VPS36: variants seen among roughly 807,000 people sequenced by gnomAD.
VPS36 encodes the protein vacuolar protein sorting 36 homolog.
VPS36 carries 31 observed loss-of-function variants against 63.5 expected under a neutral mutation model. The ratio of observed to expected loss-of-function variants is 0.49; its 90% CI spans 0.37 to 0.66. The LOEUF (loss-of-function observed/expected upper bound fraction) is 0.66. VPS36 is among the 30% of genes least tolerant of loss of function. VPS36 has a pLI of 0.00. For synonymous variants in VPS36, 138 were observed against 157.2 expected (o/e 0.88, Z 0.91); for missense variants, 338 against 463.7 (o/e 0.73, Z 2.49).
At chr13:52,448,035 G>T (rs1266147552) in intron 1 of VPS36, among the ~76,000 whole-genome samples, 1 of 152,114 alleles carries the variant, frequency 6.6e-6, no homozygotes, top group Non-Finnish European at 1.5e-5. Context: ...TTGGCTCATA[G>T]TACTTTAATT....
chr13:52,433,141 C>T (rs1348501591), intron 6 of VPS36, among the ~76,000 whole-genome samples: 2 of 152,154 alleles, frequency 1.3e-5, no homozygotes, highest in African/African-American at 4.8e-5. Context: ...CTTGAATTTC[C>T]TCATATATCA....
At chr13:52,431,328 C>T (rs1230680912) in intron 6 of VPS36, among the ~76,000 whole-genome samples, 2 of 152,146 alleles carry the variant, frequency 1.3e-5, no homozygotes, top group Non-Finnish European at 2.9e-5. Context: ...AAGATAAGTA[C>T]GCTCTTGTTA....
chr13:52,432,363 A>AAAAC (rs1461481018), intron 6 of VPS36, among the ~76,000 whole-genome samples: 1 of 151,886 alleles, frequency 6.6e-6, no homozygotes, highest in African/African-American at 2.4e-5. Flanking sequence ...AAAACAAAAC[A>AAAAC]AAACAAAACA....
chr13:52,414,547 G>A lies in VPS36; in HGVS notation c.*1283C>T, dbSNP rs887372539. The A allele has an allele frequency of 2.6e-5, 4 of 152,204 alleles. No homozygotes were observed. The highest frequency in any genetic ancestry group is 7.2e-5 in the African/African-American group (3 of 41,426). 9.4% of individuals were successfully genotyped at this position (152,204 alleles called of 1,614,324 possible). A position where few individuals can be genotyped will look rare whatever the true frequency, so the allele number is the denominator to read the frequency against. ...TGAGGGTCCCTGGCACTTCCCAGAG[G>A]GCACTGCAGCAGCCTCTGGCAGTGG... is the stretch of plus-strand genomic sequence containing the variant. On this transcript the variant is annotated 3_prime_UTR_variant, in exon 14 of 14. Coordinates refer to ENST00000378060, the MANE Select transcript of VPS36 (RefSeq NM_016075.4).
At chr13:52,435,031 G>A (rs1453532733) in intron 4 of VPS36, 149 bp from the exon 5 acceptor site, 3 of 696,708 alleles carry the variant, frequency 4.3e-6, no homozygotes, top group Non-Finnish European at 6.7e-6. Flanking sequence ...GAGTGCAATG[G>A]CGTGATCTAG....
At chr13:52,446,220 C>G (rs1350501059) in intron 1 of VPS36, among the ~76,000 whole-genome samples, 1 of 150,154 alleles carries the variant, frequency 6.7e-6, no homozygotes, top group Non-Finnish European at 1.5e-5. Flanking sequence ...GAGCCAAGAT[C>G]GCACCACCGC....
At chr13:52,427,674 T>A (rs1408850623) in intron 6 of VPS36, among the ~76,000 whole-genome samples, 1 of 152,124 alleles carries the variant, frequency 6.6e-6, no homozygotes, top group African/African-American at 2.4e-5. Flanking sequence ...ATATAAATAA[T>A]AAATCTACCT....
In VPS36 at chr13:52,416,077, G is replaced by T; in HGVS notation, c.1007C>A (p.Ser336Tyr). The change falls in exon 13 of 14, where the codon TCC becomes TAC. Residue 336 changes from serine to tyrosine, a missense_variant. Ser to Tyr is a moderately radical substitution (Grantham distance 144). Coordinates refer to ENST00000378060, the MANE Select transcript of VPS36 (RefSeq NM_016075.4). Reference protein sequence around the residue: ...SALETVSEKGSLTSEEFAKLV... With the variant: ...SALETVSEKGYLTSEEFAKLV... Reference sequence around the variant, plus strand: ...CTTAGCAAACTCTTCTGATGTTAGGGATCCCTTTTCTGAAACCTAATAGAA... The same window carrying T: ...CTTAGCAAACTCTTCTGATGTTAGGTATCCCTTTTCTGAAACCTAATAGAA... The T allele has an allele frequency of 6.2e-7, 1 of 1,613,120 alleles. No individual in the cohort carries two copies. The highest frequency in any genetic ancestry group is 8.5e-7 in the Non-Finnish European group (1 of 1,179,718).
intron 6 of VPS36, among the ~76,000 whole-genome samples, chr13:52,428,885 C>G (rs1310422943): frequency 1.3e-5 from 2 of 151,940 alleles, no homozygotes; most frequent in Admixed American, 6.6e-5. Flanking sequence ...TAAACTTATA[C>G]ATAGGCAATA....
chr13:52,432,744 G>A (rs1864436109), intron 6 of VPS36, among the ~76,000 whole-genome samples: 1 of 152,174 alleles, frequency 6.6e-6, no homozygotes, highest in African/African-American at 2.4e-5. Flanking sequence ...GAAAATACAG[G>A]GTTGAGGAAA....
intron 1 of VPS36, among the ~76,000 whole-genome samples, chr13:52,447,032 C>A (rs1439760213): frequency 6.6e-6 from 1 of 151,868 alleles, no homozygotes; most frequent in African/African-American, 2.4e-5. Flanking sequence ...CCCGCCACCA[C>A]GCCCAGCTAA....
At position 52,447,847 on chromosome 13, in the gene VPS36, A is replaced by G. The variant is rs545206753; in HGVS notation, c.96+2652T>C. Reference sequence around the variant, plus strand: ...GCCTAGGCTGGAGTGCAGTGGCACAATCTCGGCTCACTGTAGCTCCATGAA... The same window carrying G: ...GCCTAGGCTGGAGTGCAGTGGCACAGTCTCGGCTCACTGTAGCTCCATGAA... On this transcript the variant is annotated intron_variant, in intron 1 of 13. Transcript: ENST00000378060. Among the ~76,000 whole-genome samples the G allele has an allele frequency of 1.6e-4, 25 of 151,960 alleles. No homozygotes were observed. In the South Asian group the frequency reaches 4.0e-3, roughly 24 times the overall value.
chr13:52,415,815 T>C lies in VPS36; in HGVS notation c.*15A>G, dbSNP rs1446325281. Reference sequence around the variant, plus strand: ...CGCAAGCATATGGACAAAAAGGATTTTAAATACAAAACCCTTAGCTCTGTG... The same window carrying C: ...CGCAAGCATATGGACAAAAAGGATTCTAAATACAAAACCCTTAGCTCTGTG... On this transcript the variant is annotated 3_prime_UTR_variant, in exon 14 of 14. Coordinates refer to ENST00000378060, the MANE Select transcript of VPS36 (RefSeq NM_016075.4). The C allele has an allele frequency of 1.9e-6, 3 of 1,612,286 alleles. No individual in the cohort carries two copies. In the Admixed American group the frequency reaches 5.0e-5, roughly 27 times the overall value.
intron 1 of VPS36, among the ~76,000 whole-genome samples, chr13:52,447,711 C>T (rs556369457): frequency 6.6e-6 from 1 of 152,266 alleles, no homozygotes; most frequent in Admixed American, 6.5e-5. Context: ...GTCTCAGTTC[C>T]CCATCTTTGG....
chr13:52,434,889 C>G lies in VPS36; in HGVS notation c.352-7G>C, dbSNP rs566021007. The G allele has an allele frequency of 3.1e-6, 5 of 1,610,822 alleles. No individual in the cohort carries two copies. Among genetic ancestry groups the G allele is most frequent in the Non-Finnish European group, 2.5e-6 (3 of 1,177,952 alleles). On this transcript the variant is annotated splice_region_variant and splice_polypyrimidine_tract_variant and intron_variant, in intron 4 of 13. Transcript: ENST00000378060. ...CTGATAAACGCCTGTAAAACTGATA[C>G]GCAAATAAATACACTTTAAATGACT... is the stretch of plus-strand genomic sequence containing the variant.
rs1958059113 is a variant in VPS36, at chr13:52,422,744, G to A, written c.840+830C>T. Among the ~76,000 whole-genome samples, 3 of 152,146 alleles carry A rather than the reference G, an allele frequency of 2.0e-5. No homozygotes were observed. In the South Asian group the frequency reaches 6.2e-4, roughly 32 times the overall value. On this transcript the variant is annotated intron_variant, in intron 10 of 13. Transcript: ENST00000378060. ...AAAGAATTATCTTGCTCTTTTTTAT[G>A]GCTGCATATAACAGACAAGAGAGGA...
At chr13:52,437,954 A>T (rs1355427178) in intron 3 of VPS36, among the ~76,000 whole-genome samples, 2 of 152,090 alleles carry the variant, frequency 1.3e-5, no homozygotes, top group Non-Finnish European at 2.9e-5. Context: ...TATGAAATAA[A>T]AAAAGCATCT....
At chr13:52,420,436 G>A (rs999004295) in intron 10 of VPS36, among the ~76,000 whole-genome samples, 3 of 151,552 alleles carry the variant, frequency 2.0e-5, no homozygotes, top group Non-Finnish European at 4.4e-5. Flanking sequence ...TACTTTAAGC[G>A]ATTCTCCTGC....
chr13:52,426,039 T>C lies in VPS36; in HGVS notation c.667A>G (p.Ser223Gly). 6.2e-7 allele frequency: 1 copy of C among 1,614,172 alleles called. No individual in the cohort carries two copies. The highest frequency in any genetic ancestry group is 1.1e-5 in the South Asian group (1 of 91,090). ...ETIRFKSYLL[S>G]MGIANPVTRE... ...GTAACTGGGTTAGCTATTCCCATGC[T>C]CAGCAAGTAGGATTTAAACCTGATG... The change falls in exon 9 of 14, where the codon AGC (serine) becomes GGC (glycine). Residue 223 changes from serine to glycine, a missense_variant. Coordinates refer to ENST00000378060, the MANE Select transcript of VPS36 (RefSeq NM_016075.4).
Sources: allele counts gnomAD v4.1 joint callset (sites outside exome capture counted in the v4.1 genomes callset), GRCh38; gene constraint gnomAD v4.1.1; transcripts MANE v1.5; gene names NCBI Gene and HGNC (gene_info 2026-07-23, HGNC 2026-07-21).